RAMP1: variants seen among roughly 807,000 people sequenced by gnomAD.
The protein encoded by RAMP1 is receptor activity-modifying protein 1.
Under a neutral mutation model 8.2 loss-of-function variants are expected in RAMP1, and 7 were observed. The ratio of observed to expected loss-of-function variants is 0.85; its 90% CI spans 0.49 to 1.60. The LOEUF is 1.60. Ranked by LOEUF, RAMP1 falls within the 40% of genes most tolerant of loss-of-function variation. The pLI is 0.00. For synonymous variants in RAMP1, 92 were observed against 84.7 expected (o/e 1.09, Z -0.47); for missense variants, 192 against 202.4 (o/e 0.95, Z 0.31).
In RAMP1 at chr2:237,878,966, G is replaced by A. The variant is rs1260241672; in HGVS notation, c.191+1604G>A. Among the ~76,000 whole-genome samples, 2 of 152,162 alleles carry A rather than the reference G, an allele frequency of 1.3e-5. No homozygotes were observed. Among genetic ancestry groups the A allele is most frequent in the African/African-American group, 4.8e-5 (2 of 41,426 alleles). Reference sequence around the variant, plus strand: ...CACCCCAACCCTCTGGGGTCTCCAGGGGCCCTGTGCCCTCAGCAGGGTCTC... The same window carrying A: ...CACCCCAACCCTCTGGGGTCTCCAGAGGCCCTGTGCCCTCAGCAGGGTCTC... On this transcript the variant is annotated intron_variant, in intron 2 of 2. Coordinates refer to ENST00000254661, the MANE Select transcript of RAMP1 (RefSeq NM_005855.4). The surrounding 1 kb of genome is among the most constrained non-coding windows in gnomAD (Gnocchi z 5.7).
chr2:237,891,078 A>C (rs1048870986), intron 2 of RAMP1, among the ~76,000 whole-genome samples: 2 of 151,838 alleles, frequency 1.3e-5, no homozygotes, highest in Admixed American at 6.6e-5. Context: ...TAAGGCTGTG[A>C]TGTGTTTCTC....
At chr2:237,872,845 C>A (rs2062260617) in intron 1 of RAMP1, among the ~76,000 whole-genome samples, 1 of 152,152 alleles carries the variant, frequency 6.6e-6, no homozygotes. Flanking sequence ...CGTGGGGAAA[C>A]CCCATCTCTA....
At chr2:237,868,669 G>A (rs764416591) in intron 1 of RAMP1, among the ~76,000 whole-genome samples, 3 of 150,564 alleles carry the variant, frequency 2.0e-5, no homozygotes, top group Non-Finnish European at 4.4e-5. Context: ...TTTGTTCTTT[G>A]CTGGCGTGGG....
At chr2:237,880,727 G>C (rs751945781) in intron 2 of RAMP1, among the ~76,000 whole-genome samples, 2 of 152,182 alleles carry the variant, frequency 1.3e-5, no homozygotes, top group African/African-American at 2.4e-5. Context: ...ATTTCCGAAC[G>C]TGCTGGTAAG....
rs746053862 is a variant in RAMP1 at position 237,911,985 on chromosome 2, C to G, written c.*202C>G. 3.5e-6 allele frequency: 3 copies of G among 860,276 alleles called. No homozygotes were observed. Among genetic ancestry groups the G allele is most frequent in the Non-Finnish European group, 5.2e-6 (3 of 577,006 alleles). The allele number at this position is 860,276 out of a possible 1,614,324, so 53.3% of individuals were successfully genotyped here. The stretch of plus-strand genomic sequence containing the variant: ...CCCCCCTGGCTGGAGGCCACCGCCA[C>G]CCTAGGAAGGGGGCAGGGACGTGAC... On this transcript the variant is annotated 3_prime_UTR_variant, in exon 3 of 3. Transcript: ENST00000254661.
chr2:237,909,357 C>T (rs952487343), intron 2 of RAMP1, among the ~76,000 whole-genome samples: 1 of 144,770 alleles, frequency 6.9e-6, no homozygotes, highest in Non-Finnish European at 1.5e-5. Flanking sequence ...CAGGCCTTGC[C>T]GAGCCTGTGC....
At position 237,865,322 on chromosome 2, in the gene RAMP1, AGAGAG is replaced by A. The variant is rs1430806929; in HGVS notation, c.52+5599_52+5603del. Among the ~76,000 whole-genome samples, 3 of 59,482 alleles carry A rather than the reference AGAGAG, an allele frequency of 5.0e-5. No homozygotes were observed. Among genetic ancestry groups the A allele is most frequent in the African/African-American group, 7.0e-5 (1 of 14,270 alleles). 39.0% of individuals were successfully genotyped at this position (59,482 alleles called of 152,430 possible). A position where few individuals can be genotyped will look rare whatever the true frequency, so the allele number is the denominator to read the frequency against. On this transcript the variant is annotated intron_variant, in intron 1 of 2. Coordinates refer to ENST00000254661, the MANE Select transcript of RAMP1 (RefSeq NM_005855.4). This position sits in a 1 kb window ranked among gnomAD's most constrained non-coding sequence, Gnocchi z 4.2. ...GGAGAGGAGGGGAGGGCAGGGGAGA[AGAGAG>A]GAGGGGAGGGGAGGGCAGGGGAGTA...
At chr2:237,898,969 G>T (rs570512818) in intron 2 of RAMP1, among the ~76,000 whole-genome samples, 1 of 152,256 alleles carries the variant, frequency 6.6e-6, no homozygotes, top group Non-Finnish European at 1.5e-5. Context: ...GGAGAAGCCA[G>T]CCCTGGCTGC....
intron 1 of RAMP1, among the ~76,000 whole-genome samples, chr2:237,876,970 G>C (rs1289338943): frequency 6.6e-6 from 1 of 152,158 alleles, no homozygotes; most frequent in Non-Finnish European, 1.5e-5. Flanking sequence ...CATAATTGTG[G>C]GATGGAATGT....
rs1209086763 is a variant in RAMP1 at position 237,878,970 on chromosome 2, C to A, written c.191+1608C>A. On this transcript the variant is annotated intron_variant, in intron 2 of 2. Coordinates refer to ENST00000254661, the MANE Select transcript of RAMP1 (RefSeq NM_005855.4). The surrounding 1 kb of genome is among the most constrained non-coding windows in gnomAD (Gnocchi z 5.7). The stretch of plus-strand genomic sequence containing the variant: ...CCAACCCTCTGGGGTCTCCAGGGGC[C>A]CTGTGCCCTCAGCAGGGTCTCCTCA... Among the ~76,000 whole-genome samples, 1 of 152,110 alleles carries A rather than the reference C, an allele frequency of 6.6e-6. No homozygotes were observed. The highest frequency in any genetic ancestry group is 2.4e-5 in the African/African-American group (1 of 41,402).
chr2:237,874,211 G>C (rs2062276159), intron 1 of RAMP1, among the ~76,000 whole-genome samples: 1 of 152,236 alleles, frequency 6.6e-6, no homozygotes, highest in Non-Finnish European at 1.5e-5. Context: ...GTAGGCTGGG[G>C]GCAGGCCGCT....
At position 237,859,671 on chromosome 2, in the gene RAMP1, G is replaced by C; in HGVS notation, c.-5G>C. On this transcript the variant is annotated 5_prime_UTR_variant, in exon 1 of 3. Transcript: ENST00000254661. ...AGCGGACTCGACTCGGCACCGCTGT[G>C]CACCATGGCCCGGGCCCTGTGCCGC... The C allele has an allele frequency of 1.3e-6, 2 of 1,500,626 alleles. No individual in the cohort carries two copies. The allele number at this position is 1,500,626 out of a possible 1,614,324, so 93.0% of individuals were successfully genotyped here.
At chr2:237,870,047 A>C (rs1226291476) in intron 1 of RAMP1, 2 of 152,250 alleles carry the variant, frequency 1.3e-5, no homozygotes, top group Non-Finnish European at 2.9e-5. Context: ...TAGCCGTTCT[A>C]ACGGGATTGA....
chr2:237,894,642 C>T (rs1245083487), intron 2 of RAMP1, among the ~76,000 whole-genome samples: 1 of 152,208 alleles, frequency 6.6e-6, no homozygotes, highest in African/African-American at 2.4e-5. Context: ...CCAGGCGGGG[C>T]TGAGGCTCTA....
chr2:237,890,972 C>T (rs1039457962), intron 2 of RAMP1, among the ~76,000 whole-genome samples: 1 of 152,138 alleles, frequency 6.6e-6, no homozygotes. Context: ...TCACTTCCCC[C>T]CTTTTCCCTT....
chr2:237,878,938 G>A lies in RAMP1; in HGVS notation c.191+1576G>A, dbSNP rs2062337688. 6.6e-6 allele frequency among the ~76,000 whole-genome samples: 1 copy of A among 152,252 alleles called. No homozygotes were observed. The highest frequency in any genetic ancestry group is 2.4e-5 in the African/African-American group (1 of 41,472). On this transcript the variant is annotated intron_variant, in intron 2 of 2. Transcript: ENST00000254661. The surrounding 1 kb of genome is among the most constrained non-coding windows in gnomAD (Gnocchi z 5.7). ...CTGATAAGACACAGTGAACCAGGGA[G>A]CCCACCCCAACCCTCTGGGGTCTCC...
chr2:237,911,917 A>C lies in RAMP1; in HGVS notation c.*134A>C. 2.4e-4 allele frequency: 318 copies of C among 1,350,142 alleles called. No homozygotes were observed. The highest frequency in any genetic ancestry group is 2.9e-4 in the Non-Finnish European group (293 of 1,018,606). The allele number at this position is 1,350,142 out of a possible 1,614,324, so 83.6% of individuals were successfully genotyped here. A position where few individuals can be genotyped will look rare whatever the true frequency, so the allele number is the denominator to read the frequency against. The stretch of plus-strand genomic sequence containing the variant: ...CCCTTCTTCCAGCCAAGAAGAGCTC[A>C]CAGGAGTCCAGAGTAGCCGAGGCTC... On this transcript the variant is annotated 3_prime_UTR_variant, in exon 3 of 3. Transcript: ENST00000254661.
intron 1 of RAMP1, among the ~76,000 whole-genome samples, chr2:237,863,220 T>C (rs1010804486): frequency 2.0e-5 from 3 of 151,986 alleles, no homozygotes; most frequent in African/African-American, 7.3e-5. Context: ...CGGGCTACAG[T>C]GGCCCTGGTG....
chr2:237,862,623 T>C lies in RAMP1; in HGVS notation c.52+2896T>C, dbSNP rs1475762807. ...TGTGTGATGCAGGTGCCATGTGTAG[T>C]GTGAATTCCAGCGGAAATGCTGAGC... On this transcript the variant is annotated intron_variant, in intron 1 of 2. Coordinates refer to ENST00000254661, the MANE Select transcript of RAMP1 (RefSeq NM_005855.4). The surrounding 1 kb of genome is among the most constrained non-coding windows in gnomAD (Gnocchi z 4.0). Among the ~76,000 whole-genome samples, 1 of 152,238 alleles carries C rather than the reference T, an allele frequency of 6.6e-6. No homozygotes were observed. Among genetic ancestry groups the C allele is most frequent in the Admixed American group, 6.5e-5 (1 of 15,290 alleles).
Sources: allele counts gnomAD v4.1 joint callset (sites outside exome capture counted in the v4.1 genomes callset), GRCh38; gene constraint gnomAD v4.1.1; non-coding constraint Gnocchi (gnomAD v3.1); transcripts MANE v1.5; gene names NCBI Gene and HGNC (gene_info 2026-07-23, HGNC 2026-07-21).